The following MAPK10 variants were observed in gnomAD, a reference collection of about 807,000 sequenced individuals.
MAPK10 encodes mitogen-activated protein kinase 10, also known as JNK3 alpha protein kinase.
MAPK10 carries 25 observed loss-of-function variants against 59.3 expected under a neutral mutation model. That is an observed-to-expected ratio of 0.42 (90% CI 0.31 to 0.59). The LOEUF (loss-of-function observed/expected upper bound fraction) is 0.59. MAPK10 is among the 20% of genes least tolerant of loss of function. The probability of loss-of-function intolerance (pLI) is 0.15; values close to 1 mark genes in which losing one functional copy is unlikely to be tolerated. For missense variants in MAPK10, 351 were observed against 568.9 expected, an observed-to-expected ratio of 0.62 and a Z score of 3.90; for synonymous variants, 190 against 200.5, an observed-to-expected ratio of 0.95 and a Z score of 0.44.
intron 1 of MAPK10, among the ~76,000 whole-genome samples, chr4:86,390,664 T>C (rs938179325): frequency 1.3e-5 from 2 of 152,196 alleles, no homozygotes; most frequent in African/African-American, 4.8e-5. Flanking sequence ...TTGAGGATAA[T>C]AGATACATGC....
chr4:86,116,515 T>A (rs897344708), intron 4 of MAPK10, among the ~76,000 whole-genome samples: 2 of 152,214 alleles, frequency 1.3e-5, no homozygotes, highest in Non-Finnish European at 2.9e-5. Context: ...CAGTGTAAGT[T>A]TGAGTCCCTG....
chr4:86,384,993 C>T (rs933801381), intron 1 of MAPK10, among the ~76,000 whole-genome samples: 8 of 151,934 alleles, frequency 5.3e-5, no homozygotes, highest in Non-Finnish European at 7.4e-5. Flanking sequence ...AGATATGATA[C>T]ATTTAATTAC....
chr4:86,044,125 G>A (rs752730042), intron 11 of MAPK10, among the ~76,000 whole-genome samples: 1 of 152,150 alleles, frequency 6.6e-6, no homozygotes, highest in Non-Finnish European at 1.5e-5. Flanking sequence ...TGTTAATCAG[G>A]ATTCTAGATA....
At chr4:86,089,167 G>A (rs768319092) in intron 9 of MAPK10, 3 of 1,499,144 alleles carry the variant, frequency 2.0e-6, no homozygotes, top group African/African-American at 2.8e-5. Flanking sequence ...TTAATTGAGA[G>A]TGACACCCAT....
At chr4:86,105,310 C>G (rs2056338084) in intron 5 of MAPK10, among the ~76,000 whole-genome samples, 1 of 152,010 alleles carries the variant, frequency 6.6e-6, no homozygotes, top group Non-Finnish European at 1.5e-5. Flanking sequence ...ATAAAAAGTT[C>G]CAGAAATGTG....
chr4:86,205,276 C>A (rs567850811), intron 2 of MAPK10, among the ~76,000 whole-genome samples: 1 of 152,010 alleles, frequency 6.6e-6, no homozygotes, highest in African/African-American at 2.4e-5. Context: ...AAGAGAAACT[C>A]CCCAAGAAAA....
chr4:86,102,436 A>G (rs1406814749), intron 6 of MAPK10: 1 of 162,128 alleles, frequency 6.2e-6, no homozygotes, highest in East Asian at 1.8e-4. Flanking sequence ...TGTTGTCACT[A>G]CTGGGTAGAC....
intron 2 of MAPK10, among the ~76,000 whole-genome samples, chr4:86,231,662 A>G (rs1563364402): frequency 6.6e-6 from 1 of 152,094 alleles, no homozygotes; most frequent in Non-Finnish European, 1.5e-5. Flanking sequence ...ACTCTGTCTC[A>G]AAAAAAGAAA....
At chr4:86,078,900 A>C (rs866654297) in intron 9 of MAPK10, among the ~76,000 whole-genome samples, 1 of 152,076 alleles carries the variant, frequency 6.6e-6, no homozygotes, top group African/African-American at 2.4e-5. Context: ...GAGGCAAGAG[A>C]ATCACCTGAA....
intron 11 of MAPK10, among the ~76,000 whole-genome samples, chr4:86,053,448 C>T (rs528334890): frequency 4.7e-4 from 71 of 152,218 alleles, no homozygotes; most frequent in Middle Eastern, 3.4e-3. Context: ...ATGCAAATTA[C>T]CAAAAGAGTT....
intron 1 of MAPK10, among the ~76,000 whole-genome samples, chr4:86,536,629 G>C (rs1023061266): frequency 3.3e-5 from 5 of 152,032 alleles, no homozygotes; most frequent in Non-Finnish European, 5.9e-5. Flanking sequence ...TCCTCAGGTT[G>C]TCTTTCTACT....
At chr4:86,587,954 C>T (rs1263669184) in intron 1 of MAPK10, among the ~76,000 whole-genome samples, 1 of 152,150 alleles carries the variant, frequency 6.6e-6, no homozygotes, top group Non-Finnish European at 1.5e-5. Context: ...GAGTTTGAGG[C>T]CGCTGTGTAG....
At chr4:86,122,367 T>C (rs1360088972) in intron 4 of MAPK10, among the ~76,000 whole-genome samples, 1 of 152,170 alleles carries the variant, frequency 6.6e-6, no homozygotes, top group African/African-American at 2.4e-5. Context: ...CCAAAAACTG[T>C]TGCCATGACA....
intron 2 of MAPK10, among the ~76,000 whole-genome samples, chr4:86,235,732 A>C (rs895306217): frequency 2.0e-5 from 3 of 152,186 alleles, no homozygotes; most frequent in Non-Finnish European, 4.4e-5. Flanking sequence ...AGCTGAACAG[A>C]AAAGGAGCTG....
chr4:86,354,717 G>T, intron 1 of MAPK10, 73 bp from the exon 2 acceptor site: 1 of 519,034 alleles, frequency 1.9e-6, no homozygotes, highest in Non-Finnish European at 3.0e-6. Context: ...CCAAAAAGCT[G>T]ACATCAAAGA....
chr4:86,526,541 A>G (rs980554527), intron 1 of MAPK10, among the ~76,000 whole-genome samples: 1 of 152,034 alleles, frequency 6.6e-6, no homozygotes, highest in African/African-American at 2.4e-5. Context: ...GGTTTTGGTG[A>G]TACTTTATAT....
intron 2 of MAPK10, among the ~76,000 whole-genome samples, chr4:86,293,926 G>A (rs537425095): frequency 1.6e-4 from 24 of 152,270 alleles, no homozygotes; most frequent in African/African-American, 4.8e-4. Flanking sequence ...TTCAACATGG[G>A]ATTCCGAGGA....
At chr4:86,372,939 T>C (rs1739134949) in intron 1 of MAPK10, among the ~76,000 whole-genome samples, 1 of 152,028 alleles carries the variant, frequency 6.6e-6, no homozygotes, top group East Asian at 1.9e-4. Flanking sequence ...AAAAAAGAGT[T>C]CATATAGCCA....
intron 1 of MAPK10, among the ~76,000 whole-genome samples, chr4:86,355,675 C>A (rs1271284232): frequency 2.0e-5 from 3 of 152,072 alleles, no homozygotes; most frequent in Non-Finnish European, 2.9e-5. Context: ...CTATTGTGTG[C>A]CAAACAGAAA....
Sources: gnomAD v4.1 joint callset for allele counts (sites outside exome capture counted in the v4.1 genomes callset) on GRCh38, gnomAD v4.1.1 for gene constraint, MANE v1.5 for transcripts, NCBI Gene and HGNC (gene_info 2026-07-23, HGNC 2026-07-21) for gene names.